Variants in COL4A5 observed in about 807,000 individuals in gnomAD.
COL4A5 encodes the protein collagen type IV alpha 5 chain.
In COL4A5, 26 loss-of-function variants were observed where a neutral mutation model predicts 130.2. The observed-to-expected ratio is 0.20, with a 90% confidence interval of 0.15 to 0.28. COL4A5 has a LOEUF of 0.28. Ranked by LOEUF, COL4A5 falls within the 10% of genes least tolerant of loss-of-function variation. The pLI is 1.00. For missense variants in COL4A5, 1,131 were observed against 1,344.3 expected, an observed-to-expected ratio of 0.84 and a Z score of 2.48; for synonymous variants, 496 against 439.6, an observed-to-expected ratio of 1.13 and a Z score of -1.60.
At chrX:108,455,576 C>T (rs1162001153) in intron 1 of COL4A5, among the ~76,000 whole-genome samples, 1 of 111,965 alleles carries the variant, frequency 8.9e-6, no homozygotes, top group Admixed American at 9.5e-5. Context: ...CCCTCATGCC[C>T]GTCCCATTTC....
At chrX:108,511,442 T>C (rs1438784791) in intron 1 of COL4A5, among the ~76,000 whole-genome samples, 1 of 111,903 alleles carries the variant, frequency 8.9e-6, no homozygotes, top group Non-Finnish European at 1.9e-5. Flanking sequence ...CTGGTTTCTT[T>C]GCAGAAATAT....
intron 1 of COL4A5, among the ~76,000 whole-genome samples, chrX:108,452,942 G>T (rs1053725230): frequency 1.8e-5 from 2 of 110,524 alleles, no homozygotes; most frequent in East Asian, 5.7e-4. Flanking sequence ...TGCCCATTCA[G>T]TATGATATTG....
intron 1 of COL4A5, among the ~76,000 whole-genome samples, chrX:108,458,528 C>G (rs1052086249): frequency 5.4e-5 from 6 of 111,439 alleles, no homozygotes; most frequent in African/African-American, 2.0e-4. Flanking sequence ...CTTTGAATTT[C>G]TATATAAATT....
chrX:108,475,179 G>A (rs759744391), intron 1 of COL4A5, among the ~76,000 whole-genome samples: 2 of 111,095 alleles, frequency 1.8e-5, no homozygotes, highest in East Asian at 2.8e-4. Context: ...TCTGTGGATC[G>A]CTTTGAGTCT....
intron 1 of COL4A5, among the ~76,000 whole-genome samples, chrX:108,523,033 C>A (rs762064591): frequency 1.8e-5 from 2 of 108,584 alleles, no homozygotes; most frequent in Non-Finnish European, 3.8e-5. Context: ...GCGCGTGCCA[C>A]CATGCCCTAA....
intron 2 of COL4A5, among the ~76,000 whole-genome samples, chrX:108,543,698 C>A: frequency 9.0e-6 from 1 of 111,695 alleles, no homozygotes; most frequent in Non-Finnish European, 1.9e-5. Flanking sequence ...TTACCTTGGG[C>A]AGTATGGCCA....
Position 108,695,330 on chromosome X carries a change from G to A in COL4A5, c.4885G>A (p.Glu1629Lys). The change falls in exon 52 of 53, where the codon GAG (glutamate) becomes AAG (lysine). Residue 1629 changes from glutamate (E) to lysine (K), a missense_variant. Glu to Lys is a moderately conservative substitution (Grantham distance 56). Coordinates refer to ENST00000328300, the MANE Select transcript of COL4A5 (RefSeq NM_033380.3). ...ALASPGSCLE[E>K]FRSAPFIECH... The stretch of plus-strand genomic sequence containing the variant: ...AGCCTCCCCTGGTTCCTGCTTGGAA[G>A]AGTTTCGTTCAGCTCCCTTCATCGA... 8.3e-7 allele frequency: 1 copy of A among 1,211,463 alleles called. No individual in the cohort carries two copies.
At chrX:108,612,409 A>T (rs1420490383) in intron 29 of COL4A5, among the ~76,000 whole-genome samples, 1 of 111,534 alleles carries the variant, frequency 9.0e-6, no homozygotes, top group Non-Finnish European at 1.9e-5. Flanking sequence ...ACCCTAATAA[A>T]TCTACAAAAA....
chrX:108,645,161 G>A (rs991732293), intron 36 of COL4A5, among the ~76,000 whole-genome samples: 1 of 110,003 alleles, frequency 9.1e-6, no homozygotes, highest in Non-Finnish European at 1.9e-5. Flanking sequence ...ACACCTCAAG[G>A]AACTAGAGAA....
At chrX:108,641,269 G>A (rs968923340) in intron 36 of COL4A5, among the ~76,000 whole-genome samples, 2 of 111,720 alleles carry the variant, frequency 1.8e-5, no homozygotes, top group Non-Finnish European at 3.8e-5. Flanking sequence ...ACAGAAACTT[G>A]TACTTGAATA....
chrX:108,501,425 C>T (rs1388116999), intron 1 of COL4A5, among the ~76,000 whole-genome samples: 2 of 111,614 alleles, frequency 1.8e-5, no homozygotes, highest in Non-Finnish European at 3.8e-5. Flanking sequence ...TGTATAACCC[C>T]CTTTTTGCTG....
At chrX:108,672,457 G>A (rs2068224008) in intron 42 of COL4A5, among the ~76,000 whole-genome samples, 1 of 112,250 alleles carries the variant, frequency 8.9e-6, no homozygotes, top group Non-Finnish European at 1.9e-5. Flanking sequence ...TCTCTGTGAT[G>A]TTTTCTTCTT....
intron 3 of COL4A5, among the ~76,000 whole-genome samples, chrX:108,560,735 G>A (rs966241442): frequency 8.9e-6 from 1 of 112,176 alleles, no homozygotes; most frequent in African/African-American, 3.2e-5. Flanking sequence ...AATGTTGAAA[G>A]CCTGATTTTT....
At chrX:108,473,749 A>G (rs2064805835) in intron 1 of COL4A5, among the ~76,000 whole-genome samples, 1 of 102,054 alleles carries the variant, frequency 9.8e-6, no homozygotes, top group Non-Finnish European at 2.0e-5. Context: ...CTCCTGCCTC[A>G]GCCTCCCAAG....
At chrX:108,565,827 G>T (rs2065959023) in intron 4 of COL4A5, among the ~76,000 whole-genome samples, 1 of 111,295 alleles carries the variant, frequency 9.0e-6, no homozygotes, top group South Asian at 3.8e-4. Context: ...GAACTTTCTG[G>T]GGGTACAGAA....
intron 1 of COL4A5, among the ~76,000 whole-genome samples, chrX:108,496,221 A>T (rs953313070): frequency 1.9e-4 from 21 of 111,847 alleles, no homozygotes; most frequent in African/African-American, 6.8e-4. Flanking sequence ...CTCTAAGAAC[A>T]TTTTAGCTAC....
chrX:108,448,973 A>G (rs769272894), intron 1 of COL4A5, among the ~76,000 whole-genome samples: 1 of 112,103 alleles, frequency 8.9e-6, no homozygotes, highest in South Asian at 3.7e-4. Flanking sequence ...GAAAGAGAGT[A>G]TGAACTATTC....
intron 2 of COL4A5, among the ~76,000 whole-genome samples, chrX:108,554,621 G>A (rs2147709839): frequency 8.9e-6 from 1 of 112,130 alleles, no homozygotes; most frequent in East Asian, 2.8e-4. Flanking sequence ...AGCACTTTGA[G>A]AGGCTGAGGC....
chrX:108,492,539 A>G (rs778063053), intron 1 of COL4A5, among the ~76,000 whole-genome samples: 96 of 111,892 alleles, frequency 8.6e-4, no homozygotes, highest in African/African-American at 3.0e-3. Context: ...CATAGGAAAG[A>G]AGAAATTACT....
Sources: allele counts gnomAD v4.1 joint callset (sites outside exome capture counted in the v4.1 genomes callset), GRCh38; gene constraint gnomAD v4.1.1; transcripts MANE v1.5; gene names NCBI Gene and HGNC (gene_info 2026-07-23, HGNC 2026-07-21).